Variants in MAGI1 observed in about 807,000 individuals in gnomAD.
The protein encoded by MAGI1 is membrane-associated guanylate kinase, WW and PDZ domain-containing protein 1.
Under a neutral mutation model 139.9 loss-of-function variants are expected in MAGI1, and 58 were observed. That is an observed-to-expected ratio of 0.41 (90% confidence interval 0.34 to 0.52). The LOEUF (loss-of-function observed/expected upper bound fraction) is 0.52, where lower values mean the gene tolerates loss of function less well. Ranked by LOEUF, MAGI1 falls within the 20% of genes least tolerant of loss-of-function variation. The pLI is 0.12. For synonymous variants in MAGI1, 812 were observed against 737.9 expected (o/e 1.10, Z -1.63); for missense variants, 1,874 against 1,901.6 (o/e 0.99, Z 0.27).
At chr3:65,638,809 G>A (rs562463379) in intron 1 of MAGI1, among the ~76,000 whole-genome samples, 41 of 151,992 alleles carry the variant, frequency 2.7e-4, no homozygotes, top group Non-Finnish European at 5.4e-4. Flanking sequence ...GTTTCACCAT[G>A]TTGGCCAGGC....
At chr3:65,674,607 C>T (rs904932268) in intron 1 of MAGI1, among the ~76,000 whole-genome samples, 4 of 152,126 alleles carry the variant, frequency 2.6e-5, no homozygotes, top group African/African-American at 9.7e-5. Flanking sequence ...TTCAACACTG[C>T]CTTTCCCTTC....
chr3:65,782,006 T>C (rs1430149971), intron 1 of MAGI1, among the ~76,000 whole-genome samples: 5 of 152,210 alleles, frequency 3.3e-5, no homozygotes, highest in East Asian at 1.9e-4. Flanking sequence ...TTCTGGGGGA[T>C]GGCATGCATT....
intron 20 of MAGI1, among the ~76,000 whole-genome samples, chr3:65,363,919 C>A (rs1354755095): frequency 7.2e-5 from 11 of 152,140 alleles, no homozygotes. Flanking sequence ...CTGCTGGATG[C>A]CCAGCCTCCC....
chr3:65,948,409 AT>A, intron 1 of MAGI1, among the ~76,000 whole-genome samples: 1 of 152,288 alleles, frequency 6.6e-6, no homozygotes, highest in Admixed American at 6.5e-5. Flanking sequence ...AGTTCTCTTT[AT>A]TGCAATAGCC....
chr3:65,757,977 C>T (rs2036695253), intron 1 of MAGI1, among the ~76,000 whole-genome samples: 1 of 152,160 alleles, frequency 6.6e-6, no homozygotes, highest in Non-Finnish European at 1.5e-5. Context: ...CCAGAAACTT[C>T]CTTCAGGAAA....
At chr3:65,786,460 C>T (rs968632011) in intron 1 of MAGI1, among the ~76,000 whole-genome samples, 2 of 151,890 alleles carry the variant, frequency 1.3e-5, no homozygotes, top group Non-Finnish European at 2.9e-5. Flanking sequence ...GCATGCGCCA[C>T]CACACCCAGC....
intron 3 of MAGI1, among the ~76,000 whole-genome samples, chr3:65,486,051 C>G (rs1951608749): frequency 6.6e-6 from 1 of 152,152 alleles, no homozygotes; most frequent in African/African-American, 2.4e-5. Context: ...CTTCTAAGGC[C>G]TGCCAAAGAA....
chr3:65,552,308 A>C (rs115019276), intron 2 of MAGI1, among the ~76,000 whole-genome samples: 3,351 of 151,936 alleles, frequency 0.022, 114 homozygotes, highest in African/African-American at 0.076. Flanking sequence ...CAATTTCCCA[A>C]CATGAACATC....
chr3:65,918,812 A>T (rs1464331843), intron 1 of MAGI1, among the ~76,000 whole-genome samples: 2 of 152,186 alleles, frequency 1.3e-5, no homozygotes, highest in African/African-American at 4.8e-5. Flanking sequence ...CTTCTCTTCA[A>T]ATTATCCCTA....
intron 13 of MAGI1, among the ~76,000 whole-genome samples, chr3:65,396,633 T>C (rs1944412375): frequency 6.6e-6 from 1 of 152,196 alleles, no homozygotes; most frequent in Admixed American, 6.5e-5. Context: ...ATGAAAAGAA[T>C]TCATGTGGCT....
At chr3:65,997,055 G>C (rs933688299) in intron 1 of MAGI1, among the ~76,000 whole-genome samples, 1 of 152,152 alleles carries the variant, frequency 6.6e-6, no homozygotes, top group African/African-American at 2.4e-5. Context: ...GATATATATG[G>C]TTCTTTAGAT....
rs115284346 is a variant in MAGI1 at position 65,681,897 on chromosome 3, C to T, written c.314-59809G>A. ...TTTTATTAATTAAAAGATGAGGTCT[C>T]GATAGGTTGCCCAGGCTGGTCTTGA... On this transcript the variant is annotated intron_variant, in intron 1 of 22. Coordinates refer to ENST00000402939, the MANE Select transcript of MAGI1 (RefSeq NM_001033057.2). Among the ~76,000 whole-genome samples the T allele has an allele frequency of 6.4e-3, 979 of 152,000 alleles. 9 individuals carry two copies. Among genetic ancestry groups the T allele is most frequent in the African/African-American group, 0.023 (948 of 41,450 alleles).
rs1233433055 is a variant in MAGI1 at position 65,357,023 on chromosome 3, G to A, written c.3744C>T (p.Pro1248=). 2 of 1,613,800 alleles carry A rather than the reference G, an allele frequency of 1.2e-6. No individual in the cohort carries two copies. The highest frequency in any genetic ancestry group is 1.7e-6 in the Non-Finnish European group (2 of 1,179,920). The change falls in exon 23 of 23, where the codon CCC becomes CCT. Residue 1248 remains proline (P), a synonymous_variant. Coordinates refer to ENST00000402939, the MANE Select transcript of MAGI1 (RefSeq NM_001033057.2). ...QHPSLESSYP[P]DLHKSSPHGE... is the part of the protein sequence containing the mutation. Reference sequence around the variant, plus strand: ...CATGTGGTGATGATTTGTGAAGATCGGGTGGGTAACTGGACTCCAATGACG... The same window carrying A: ...CATGTGGTGATGATTTGTGAAGATCAGGTGGGTAACTGGACTCCAATGACG...
intron 1 of MAGI1, among the ~76,000 whole-genome samples, chr3:65,829,281 G>A (rs2042397825): frequency 6.6e-6 from 1 of 152,100 alleles, no homozygotes. Context: ...AAAATCAAAA[G>A]GAACCAACTG....
chr3:65,440,814 T>C (rs1428118391), intron 8 of MAGI1, among the ~76,000 whole-genome samples: 1 of 146,594 alleles, frequency 6.8e-6, no homozygotes, highest in South Asian at 2.2e-4. Context: ...TATACATATG[T>C]ATATGTGTAC....
At chr3:65,939,556 A>G (rs2063214336) in intron 1 of MAGI1, among the ~76,000 whole-genome samples, 2 of 152,222 alleles carry the variant, frequency 1.3e-5, no homozygotes, top group African/African-American at 4.8e-5. Flanking sequence ...TTCAGAAAAA[A>G]TATTTCAATG....
intron 18 of MAGI1, among the ~76,000 whole-genome samples, chr3:65,371,244 T>C (rs889761859): frequency 2.6e-5 from 4 of 152,202 alleles, no homozygotes; most frequent in Non-Finnish European, 5.9e-5. Flanking sequence ...CTCGGAGATA[T>C]CACGGGTTCA....
intron 1 of MAGI1, among the ~76,000 whole-genome samples, chr3:65,722,115 T>G (rs893808536): frequency 6.6e-6 from 1 of 152,180 alleles, no homozygotes; most frequent in African/African-American, 2.4e-5. Flanking sequence ...GCAAGTTCCA[T>G]GGCTTAAGAA....
At chr3:65,866,068 CAT>C (rs1376576078) in intron 1 of MAGI1, among the ~76,000 whole-genome samples, 7 of 151,876 alleles carry the variant, frequency 4.6e-5, no homozygotes, top group Non-Finnish European at 7.4e-5. Flanking sequence ...GTAATGTAAA[CAT>C]ATAATTTACA....
Sources: gnomAD v4.1 joint callset for allele counts (sites outside exome capture counted in the v4.1 genomes callset) on GRCh38, gnomAD v4.1.1 for gene constraint, MANE v1.5 for transcripts, NCBI Gene and HGNC (gene_info 2026-07-23, HGNC 2026-07-21) for gene names.